Variants in RANBP2 observed in about 807,000 individuals in gnomAD.
The protein encoded by RANBP2 is E3 SUMO-protein ligase RanBP2.
Under a neutral mutation model 303.6 loss-of-function variants are expected in RANBP2, and 57 were observed. The observed-to-expected ratio is 0.19, with a 90% confidence interval of 0.15 to 0.23. RANBP2 has a LOEUF of 0.23. Among genes scored for constraint, RANBP2 ranks in the 10% least tolerant of loss-of-function variants. The probability of loss-of-function intolerance (pLI) is 1.00; values close to 1 mark genes in which losing one functional copy is unlikely to be tolerated. For missense variants in RANBP2, 3,138 were observed against 3,780.8 expected, an observed-to-expected ratio of 0.83 and a Z score of 4.46; for synonymous variants, 1,167 against 1,301.5, an observed-to-expected ratio of 0.90 and a Z score of 2.23.
At chr2:109,319,033 G>A in the RANBP2 span, among the ~76,000 whole-genome samples, 2 of 152,208 alleles carry the variant, frequency 1.3e-5, no homozygotes, top group Non-Finnish European at 2.9e-5. Flanking sequence ...GGAAAGGAGT[G>A]GCTCTCCATC....
the RANBP2 span, among the ~76,000 whole-genome samples, chr2:109,727,008 T>C: frequency 6.6e-6 from 1 of 152,162 alleles, no homozygotes; most frequent in East Asian, 1.9e-4. Context: ...AAGCCCTAAC[T>C]TCAGGGGGCT....
the RANBP2 span, among the ~76,000 whole-genome samples, chr2:108,815,575 C>A: frequency 2.1e-4 from 30 of 143,684 alleles, no homozygotes; most frequent in African/African-American, 7.1e-4. Flanking sequence ...AGGTGATTCT[C>A]CTCCCTCAGC....
the RANBP2 span, among the ~76,000 whole-genome samples, chr2:109,047,305 A>T: frequency 6.6e-6 from 1 of 152,160 alleles, no homozygotes; most frequent in Non-Finnish European, 1.5e-5. Flanking sequence ...CTCTTCCTAG[A>T]GGTCACAGGG....
chr2:109,548,719 T>C, the RANBP2 span, among the ~76,000 whole-genome samples: 1 of 129,886 alleles, frequency 7.7e-6, no homozygotes, highest in Non-Finnish European at 1.5e-5. Context: ...GAGGTTGCAG[T>C]GAGCCGAGAT....
chr2:108,930,138 C>T, the RANBP2 span: 311 of 1,613,844 alleles, frequency 1.9e-4, 2 homozygotes, highest in East Asian at 4.0e-3. Flanking sequence ...GCTCCTCTCC[C>T]GGCCCACACG....
intron 6 of RANBP2, 99 bp downstream of exon 6, chr2:108,736,348 AT>A: frequency 6.2e-7 from 1 of 1,602,338 alleles, no homozygotes; most frequent in Non-Finnish European, 8.5e-7. Context: ...CATTATTTGT[AT>A]AATGTACCTA....
At chr2:109,730,753 A>T in the RANBP2 span, among the ~76,000 whole-genome samples, 2 of 129,674 alleles carry the variant, frequency 1.5e-5, no homozygotes, top group South Asian at 2.7e-4. Context: ...AAGTTGAGGG[A>T]TCTCTCTGGG....
At chr2:109,173,512 G>A in the RANBP2 span, among the ~76,000 whole-genome samples, 1 of 152,306 alleles carries the variant, frequency 6.6e-6, no homozygotes, top group South Asian at 2.1e-4. Flanking sequence ...CACACTGCCT[G>A]CAGGCTATGT....
the RANBP2 span, among the ~76,000 whole-genome samples, chr2:109,484,223 C>T: frequency 2.7e-4 from 41 of 152,196 alleles, no homozygotes; most frequent in African/African-American, 7.5e-4. Context: ...CTTGCCACCA[C>T]GCTCAGCTAA....
the RANBP2 span, chr2:108,878,260 T>C: frequency 6.4e-6 from 1 of 157,366 alleles, no homozygotes; most frequent in African/African-American, 2.4e-5. Flanking sequence ...CCCCTCGCTC[T>C]TCCTTCCTCC....
chr2:108,892,670 GT>G, the RANBP2 span, among the ~76,000 whole-genome samples: 1 of 152,198 alleles, frequency 6.6e-6, no homozygotes. Flanking sequence ...GGTTGGGAGG[GT>G]TGAGGGGTCT....
chr2:109,544,161 G>A, the RANBP2 span: 43 of 1,566,350 alleles, frequency 2.7e-5, no homozygotes, highest in Non-Finnish European at 3.6e-5. Flanking sequence ...GTACTTGAAA[G>A]TACTTTTCCA....
intron 3 of RANBP2, 55 bp from the exon 4 acceptor site, chr2:108,731,267 C>G (rs1558876183): frequency 6.3e-6 from 10 of 1,585,016 alleles, no homozygotes; most frequent in South Asian, 1.1e-5. Flanking sequence ...ATATATACTC[C>G]TACATACATA....
At chr2:109,615,693 G>C in the RANBP2 span, 3 of 1,613,874 alleles carry the variant, frequency 1.9e-6, no homozygotes, top group Non-Finnish European at 2.5e-6. Context: ...CGAGGGTGAC[G>C]GGGAAAGCGC....
the RANBP2 span, among the ~76,000 whole-genome samples, chr2:109,295,649 CAGGA>C: frequency 0.015 from 2,356 of 152,286 alleles, 48 homozygotes; most frequent in African/African-American, 0.054. Context: ...TGCAGCCCCA[CAGGA>C]CAGGGGCCTG....
At chr2:109,167,067 C>A in the RANBP2 span, among the ~76,000 whole-genome samples, 1 of 152,150 alleles carries the variant, frequency 6.6e-6, no homozygotes, top group Non-Finnish European at 1.5e-5. Context: ...GGAGGTCAGG[C>A]CAGTGGGAAC....
the RANBP2 span, among the ~76,000 whole-genome samples, chr2:109,342,840 G>A: frequency 2.6e-5 from 4 of 152,356 alleles, no homozygotes; most frequent in Non-Finnish European, 5.9e-5. Flanking sequence ...TCTGAGTAAT[G>A]AGCCATGAAA....
At chr2:108,932,304 G>A in the RANBP2 span, among the ~76,000 whole-genome samples, 4 of 151,886 alleles carry the variant, frequency 2.6e-5, no homozygotes, top group African/African-American at 4.8e-5. Flanking sequence ...TGAGACGGGC[G>A]GATCACGAGG....
chr2:109,643,604 AC>A, the RANBP2 span, among the ~76,000 whole-genome samples: 2 of 151,988 alleles, frequency 1.3e-5, no homozygotes, highest in African/African-American at 4.8e-5. Context: ...TACTAAAAAT[AC>A]AAAAAAAAAA....
Sources: allele counts gnomAD v4.1 joint callset (sites outside exome capture counted in the v4.1 genomes callset), GRCh38; gene constraint gnomAD v4.1.1; transcripts MANE v1.5; gene names NCBI Gene and HGNC (gene_info 2026-07-23, HGNC 2026-07-21).